Variants in ABI1 observed in about 807,000 individuals in gnomAD.
ABI1 encodes the protein abl interactor 1, also known as Abelson interactor 1.
In ABI1, 14 loss-of-function variants were observed where a neutral mutation model predicts 54.6. The observed-to-expected ratio is 0.26, with a 90% CI of 0.17 to 0.40. ABI1 has a LOEUF of 0.40. Ranked by LOEUF, ABI1 falls within the 10% of genes least tolerant of loss-of-function variation. The probability of loss-of-function intolerance (pLI) is 1.00; values close to 1 mark genes in which losing one functional copy is unlikely to be tolerated. For synonymous variants in ABI1, 194 were observed against 209.3 expected (o/e 0.93, Z 0.63); for missense variants, 443 against 598.3 (o/e 0.74, Z 2.71).
At chr10:26,752,087 C>T (rs929009995) in intron 9 of ABI1, among the ~76,000 whole-genome samples, 1 of 152,084 alleles carries the variant, frequency 6.6e-6, no homozygotes, top group Admixed American at 6.6e-5. Flanking sequence ...AGGTTCAGAT[C>T]GGGACAAATG....
chr10:26,848,694 T>C (rs1324037447), intron 1 of ABI1, among the ~76,000 whole-genome samples: 1 of 146,028 alleles, frequency 6.8e-6, no homozygotes, highest in Non-Finnish European at 1.5e-5. Flanking sequence ...CTGCAACCTC[T>C]GCCTCCCAGG....
chr10:26,765,190 A>G (rs1333353616), intron 7 of ABI1, 28 bp downstream of exon 7: 17 of 1,465,756 alleles, frequency 1.2e-5, no homozygotes, highest in Non-Finnish European at 1.6e-5. Context: ...ATTATCATGT[A>G]TTAAACATAG....
chr10:26,766,048 A>G (rs1044094686), intron 6 of ABI1, among the ~76,000 whole-genome samples: 4 of 152,244 alleles, frequency 2.6e-5, no homozygotes, highest in Non-Finnish European at 5.9e-5. Flanking sequence ...AAGAGAAAGT[A>G]CAAATGATGT....
At chr10:26,768,578 G>C (rs1840269135) in intron 6 of ABI1, among the ~76,000 whole-genome samples, 1 of 151,420 alleles carries the variant, frequency 6.6e-6, no homozygotes, top group South Asian at 2.1e-4. Flanking sequence ...TTAACCCGTA[G>C]AGTCTGATAG....
At chr10:26,776,655 G>A (rs925383330) in intron 3 of ABI1, 3 of 153,046 alleles carry the variant, frequency 2.0e-5, no homozygotes, top group East Asian at 3.8e-4. Context: ...TAAGTTGCTG[G>A]CATTATAGAT....
intron 2 of ABI1, among the ~76,000 whole-genome samples, chr10:26,818,205 A>C (rs2133706925): frequency 6.7e-6 from 1 of 149,048 alleles, no homozygotes; most frequent in South Asian, 2.1e-4. Flanking sequence ...ATTCCTAACA[A>C]ATTTGAAAGG....
intron 1 of ABI1, among the ~76,000 whole-genome samples, chr10:26,829,908 G>A (rs2048554210): frequency 6.6e-6 from 1 of 152,058 alleles, no homozygotes; most frequent in African/African-American, 2.4e-5. Flanking sequence ...AATGTGCTTT[G>A]ATAAATGGGT....
At chr10:26,796,452 A>C (rs548839350) in intron 2 of ABI1, among the ~76,000 whole-genome samples, 20 of 152,328 alleles carry the variant, frequency 1.3e-4, no homozygotes, top group African/African-American at 4.6e-4. Context: ...GGACAGTAAC[A>C]TGCTGTACAG....
At chr10:26,803,168 T>C (rs922100571) in intron 2 of ABI1, among the ~76,000 whole-genome samples, 3 of 151,774 alleles carry the variant, frequency 2.0e-5, no homozygotes, top group African/African-American at 4.8e-5. Flanking sequence ...ACTACAAACA[T>C]ACACTTCCAG....
At chr10:26,750,443 G>A (rs1042005446) in intron 10 of ABI1, among the ~76,000 whole-genome samples, 13 of 152,256 alleles carry the variant, frequency 8.5e-5, no homozygotes, top group Non-Finnish European at 1.9e-4. Context: ...GCAGTGAGCC[G>A]AGATTGCACC....
At chr10:26,854,452 G>GA (rs60327303) in intron 1 of ABI1, among the ~76,000 whole-genome samples, 55,500 of 132,180 alleles carry the variant, frequency 0.42, 12,252 homozygotes, top group African/African-American at 0.64. Context: ...TGTGAAAGAA[G>GA]AAAAAAAAAA....
chr10:26,833,691 T>C (rs1204051294), intron 1 of ABI1, among the ~76,000 whole-genome samples: 1 of 151,778 alleles, frequency 6.6e-6, no homozygotes, highest in African/African-American at 2.4e-5. Flanking sequence ...GCCATGATGA[T>C]CAAGAATATA....
intron 3 of ABI1, among the ~76,000 whole-genome samples, chr10:26,772,739 C>T (rs1305319083): frequency 2.0e-5 from 3 of 151,734 alleles, no homozygotes; most frequent in Non-Finnish European, 4.4e-5. Context: ...TTAAATATCC[C>T]CAAAATATAT....
intron 7 of ABI1, among the ~76,000 whole-genome samples, chr10:26,764,154 T>C (rs966402088): frequency 1.3e-5 from 2 of 152,180 alleles, no homozygotes; most frequent in Admixed American, 6.5e-5. Flanking sequence ...CAAATATGCC[T>C]ATGTTTATAA....
chr10:26,840,091 G>C (rs2049385928), intron 1 of ABI1, among the ~76,000 whole-genome samples: 2 of 152,190 alleles, frequency 1.3e-5, no homozygotes, highest in Non-Finnish European at 2.9e-5. Flanking sequence ...CACTGCTGTA[G>C]TTTAGATGTT....
chr10:26,765,157 C>T, intron 7 of ABI1, 61 bp downstream of exon 7: 2 of 1,189,588 alleles, frequency 1.7e-6, no homozygotes, highest in Non-Finnish European at 2.4e-6. Context: ...TTATTTCAGC[C>T]TTCCACAATA....
intron 2 of ABI1, among the ~76,000 whole-genome samples, chr10:26,822,059 C>A (rs1220948333): frequency 6.6e-6 from 1 of 152,102 alleles, no homozygotes; most frequent in Non-Finnish European, 1.5e-5. Context: ...CAAAACCAGA[C>A]AAAGGCATTA....
intron 1 of ABI1, among the ~76,000 whole-genome samples, chr10:26,836,504 T>C (rs1279825619): frequency 2.0e-5 from 3 of 152,224 alleles, no homozygotes; most frequent in African/African-American, 7.2e-5. Flanking sequence ...CTGTACAAAC[T>C]AATATGCCAG....
intron 6 of ABI1, among the ~76,000 whole-genome samples, chr10:26,765,765 A>C (rs767062106): frequency 2.4e-4 from 37 of 151,936 alleles, no homozygotes; most frequent in Non-Finnish European, 3.8e-4. Context: ...TGTAACAAGA[A>C]ATTTTTAAGT....
Sources: allele counts gnomAD v4.1 joint callset (sites outside exome capture counted in the v4.1 genomes callset), GRCh38; gene constraint gnomAD v4.1.1; transcripts MANE v1.5; gene names NCBI Gene and HGNC (gene_info 2026-07-23, HGNC 2026-07-21).